The following HPSE2 variants were observed in gnomAD, a reference collection of about 807,000 sequenced individuals.
HPSE2 encodes the protein inactive heparanase-2.
Under a neutral mutation model 60.5 loss-of-function variants are expected in HPSE2, and 38 were observed. The observed-to-expected ratio is 0.63, with a 90% CI of 0.48 to 0.82. The LOEUF (loss-of-function observed/expected upper bound fraction) is 0.82, where lower values mean the gene tolerates loss of function less well. Among genes scored for constraint, HPSE2 ranks in the 40% least tolerant of loss-of-function variants. The pLI, the probability that HPSE2 is intolerant of heterozygous loss-of-function variation, is 0.00. For missense variants in HPSE2, 713 were observed against 740.4 expected (o/e 0.96, Z 0.43); for synonymous variants, 295 against 293.2 (o/e 1.01, Z -0.06).
intron 9 of HPSE2, among the ~76,000 whole-genome samples, chr10:98,585,122 G>T (rs1400041508): frequency 6.6e-6 from 1 of 152,224 alleles, no homozygotes; most frequent in South Asian, 2.1e-4. Context: ...CTACATGGGG[G>T]TTGTATGGCT....
At chr10:99,089,940 A>G (rs1843454616) in intron 3 of HPSE2, among the ~76,000 whole-genome samples, 1 of 152,094 alleles carries the variant, frequency 6.6e-6, no homozygotes, top group South Asian at 2.1e-4. Flanking sequence ...CAGCTATTGT[A>G]AAAGGGGTTA....
Position 98,459,567 on chromosome 10 carries a change from G to A in HPSE2, c.*7C>T, listed in dbSNP as rs972537206. On this transcript the variant is annotated 3_prime_UTR_variant, in exon 12 of 12. Coordinates refer to ENST00000370552, the MANE Select transcript of HPSE2 (RefSeq NM_021828.5). ...GGCCCACTGGTAGCCGTGAGTGTGA[G>A]GATAGCTTATCGGTAGCGGCAGGCC... is the stretch of plus-strand genomic sequence containing the variant. 6.2e-7 allele frequency: 1 copy of A among 1,614,064 alleles called. No individual in the cohort carries two copies. The highest frequency in any genetic ancestry group is 8.5e-7 in the Non-Finnish European group (1 of 1,179,962).
At chr10:98,835,623 A>G (rs1951773795) in intron 3 of HPSE2, among the ~76,000 whole-genome samples, 1 of 152,198 alleles carries the variant, frequency 6.6e-6, no homozygotes, top group African/African-American at 2.4e-5. Flanking sequence ...TCAATAAAAT[A>G]TGGCAAGTTA....
At chr10:99,138,289 G>A (rs1400548202) in intron 3 of HPSE2, among the ~76,000 whole-genome samples, 1 of 152,194 alleles carries the variant, frequency 6.6e-6, no homozygotes, top group Non-Finnish European at 1.5e-5. Context: ...TTACACTGTT[G>A]GTGGGAGTGT....
intron 9 of HPSE2, among the ~76,000 whole-genome samples, chr10:98,531,590 G>T (rs1943133523): frequency 6.6e-6 from 1 of 152,178 alleles, no homozygotes; most frequent in East Asian, 1.9e-4. Flanking sequence ...TCCAAAGAGG[G>T]TCTTTCTAGG....
chr10:98,816,010 C>T (rs948180374), intron 3 of HPSE2, among the ~76,000 whole-genome samples: 14 of 128,674 alleles, frequency 1.1e-4, no homozygotes, highest in Non-Finnish European at 1.9e-4. Context: ...GGGAACATCA[C>T]ACACCAGGGA....
intron 3 of HPSE2, among the ~76,000 whole-genome samples, chr10:98,967,321 A>T (rs753158406): frequency 3.3e-5 from 5 of 152,238 alleles, no homozygotes; most frequent in Non-Finnish European, 5.9e-5. Flanking sequence ...TAACACAGAG[A>T]AAACAAAGTC....
chr10:98,491,644 G>A (rs1941648118), intron 9 of HPSE2, among the ~76,000 whole-genome samples: 1 of 152,138 alleles, frequency 6.6e-6, no homozygotes, highest in African/African-American at 2.4e-5. Flanking sequence ...TATTTTCTCA[G>A]TAGCTCCTCT....
Position 98,577,339 on chromosome 10 carries a change from C to T in HPSE2, c.1320+37565G>A, listed in dbSNP as rs537108867. Among the ~76,000 whole-genome samples the T allele has an allele frequency of 2.0e-4, 30 of 152,206 alleles. No individual in the cohort carries two copies. The South Asian group carries it at 6.0e-3, about 31-fold the overall frequency. On this transcript the variant is annotated intron_variant, in intron 9 of 11. Transcript: ENST00000370552. ...TCCCACTTAAATAAACATCAGATTG[C>T]ACAAATTTTCAATAGATAGTATCAA...
At chr10:98,987,868 A>G (rs927058610) in intron 3 of HPSE2, among the ~76,000 whole-genome samples, 31 of 152,036 alleles carry the variant, frequency 2.0e-4, no homozygotes, top group Non-Finnish European at 4.0e-4. Flanking sequence ...ACAGAGAGCC[A>G]AATCATGAGT....
chr10:98,488,092 C>A (rs1376311695), intron 10 of HPSE2, among the ~76,000 whole-genome samples: 1 of 133,226 alleles, frequency 7.5e-6, no homozygotes, highest in Admixed American at 6.9e-5. Flanking sequence ...CTGATAGAAG[C>A]CCAGTGACAC....
the HPSE2 span, among the ~76,000 whole-genome samples, chr10:99,295,036 C>T: frequency 1.3e-5 from 2 of 152,158 alleles, no homozygotes; most frequent in African/African-American, 2.4e-5. Context: ...TCTATAAAAA[C>T]AGAGATGTTC....
intron 6 of HPSE2, among the ~76,000 whole-genome samples, chr10:98,662,197 T>C (rs1486597103): frequency 6.6e-6 from 1 of 152,094 alleles, no homozygotes; most frequent in Non-Finnish European, 1.5e-5. Context: ...CTGGCCAAAA[T>C]GGAAGGAATC....
intron 6 of HPSE2, among the ~76,000 whole-genome samples, chr10:98,653,462 G>A (rs1404038869): frequency 6.7e-6 from 1 of 148,378 alleles, no homozygotes; most frequent in Non-Finnish European, 1.5e-5. Flanking sequence ...TTTTAATTGA[G>A]CATTTTATAT....
chr10:98,595,648 A>G (rs953175052), intron 9 of HPSE2, among the ~76,000 whole-genome samples: 1 of 152,164 alleles, frequency 6.6e-6, no homozygotes, highest in Non-Finnish European at 1.5e-5. Context: ...CATCTGCAAA[A>G]AGGAACAATT....
At chr10:98,511,358 G>C (rs911064434) in intron 9 of HPSE2, among the ~76,000 whole-genome samples, 1 of 152,060 alleles carries the variant, frequency 6.6e-6, no homozygotes, top group African/African-American at 2.4e-5. Flanking sequence ...CACCGTGTTA[G>C]CCAGGATGGT....
At chr10:98,548,859 CT>C (rs1367092431) in intron 9 of HPSE2, among the ~76,000 whole-genome samples, 1 of 152,172 alleles carries the variant, frequency 6.6e-6, no homozygotes, top group African/African-American at 2.4e-5. Flanking sequence ...ATATCTCTCA[CT>C]GTGGCAGGTA....
At chr10:99,288,748 CAAAA>C in the HPSE2 span, among the ~76,000 whole-genome samples, 1 of 75,804 alleles carries the variant, frequency 1.3e-5, no homozygotes, top group Non-Finnish European at 2.2e-5. Context: ...CAGCCTCAAG[CAAAA>C]AAAAAAAAAA....
At chr10:98,908,698 A>AAG (rs1401688317) in intron 3 of HPSE2, among the ~76,000 whole-genome samples, 2 of 144,398 alleles carry the variant, frequency 1.4e-5, no homozygotes, top group Non-Finnish European at 3.2e-5. Flanking sequence ...AAAAAAAAAA[A>AAG]AAAAAAAAAA....
Sources: gnomAD v4.1 joint callset for allele counts (sites outside exome capture counted in the v4.1 genomes callset) on GRCh38, gnomAD v4.1.1 for gene constraint, MANE v1.5 for transcripts, NCBI Gene and HGNC (gene_info 2026-07-23, HGNC 2026-07-21) for gene names.